The following SLAMF9 variants were observed in gnomAD, a reference collection of about 807,000 sequenced individuals.
SLAMF9 encodes the protein SLAM family member 9.
In SLAMF9, 25 loss-of-function variants were observed where a neutral mutation model predicts 30.4. That is an observed-to-expected ratio of 0.82 (90% CI 0.60 to 1.15). SLAMF9 has a LOEUF of 1.15. Ranked by LOEUF, SLAMF9 falls within the 50% of genes most tolerant of loss-of-function variation. The probability of loss-of-function intolerance (pLI) is 0.00; values close to 1 mark genes in which losing one functional copy is unlikely to be tolerated. For missense variants in SLAMF9, 344 were observed against 346.1 expected (o/e 0.99, Z 0.05); for synonymous variants, 129 against 127.2 (o/e 1.01, Z -0.09).
the SLAMF9 span, chr1:159,972,801 G>T: frequency 1.3e-6 from 1 of 789,648 alleles, no homozygotes; most frequent in South Asian, 4.5e-5. Context: ...AGGGTCAGCG[G>T]GACCGTGGTG....
the SLAMF9 span, chr1:159,972,750 C>T: frequency 2.4e-6 from 1 of 414,122 alleles, no homozygotes; most frequent in Non-Finnish European, 4.0e-6. Context: ...AGGGGAGCCC[C>T]TCTGGGCCTC....
At chr1:159,977,718 G>C in the SLAMF9 span, among the ~76,000 whole-genome samples, 1 of 152,206 alleles carries the variant, frequency 6.6e-6, no homozygotes. Flanking sequence ...CCACAGCCCT[G>C]TGCAGACAGG....
At chr1:159,953,270 C>T (rs1192460697) in intron 2 of SLAMF9, 39 bp downstream of exon 2, 2 of 1,534,896 alleles carry the variant, frequency 1.3e-6, no homozygotes, top group Non-Finnish European at 1.8e-6. Context: ...CTCAGAAGAG[C>T]CCCCAAAACC....
chr1:159,979,421 A>G, the SLAMF9 span, among the ~76,000 whole-genome samples: 1 of 152,226 alleles, frequency 6.6e-6, no homozygotes, highest in Non-Finnish European at 1.5e-5. Flanking sequence ...GATGTTTATA[A>G]ATGTTCAGAA....
the SLAMF9 span, among the ~76,000 whole-genome samples, chr1:159,961,929 C>A: frequency 1.3e-5 from 2 of 151,066 alleles, no homozygotes; most frequent in Non-Finnish European, 1.5e-5. Context: ...GAGGCGGAGG[C>A]GGGCGGATCA....
chr1:159,954,845 G>A (rs935614952), upstream of SLAMF9, among the ~76,000 whole-genome samples: 2 of 152,092 alleles, frequency 1.3e-5, no homozygotes, highest in Non-Finnish European at 2.9e-5. Flanking sequence ...TTGGGAGGCC[G>A]AGGCAGGCAG....
chr1:159,960,913 G>A, the SLAMF9 span, among the ~76,000 whole-genome samples: 1 of 152,176 alleles, frequency 6.6e-6, no homozygotes, highest in Non-Finnish European at 1.5e-5. Flanking sequence ...TCTGAGGCAT[G>A]TTCTCCCTGG....
At chr1:159,959,992 T>A in the SLAMF9 span, among the ~76,000 whole-genome samples, 7 of 150,724 alleles carry the variant, frequency 4.6e-5, no homozygotes, top group African/African-American at 1.5e-4. Flanking sequence ...GCACAGCCTG[T>A]TTATCCACCT....
upstream of SLAMF9, among the ~76,000 whole-genome samples, chr1:159,958,385 T>C (rs1651974944): frequency 6.6e-6 from 1 of 152,084 alleles, no homozygotes; most frequent in Non-Finnish European, 1.5e-5. Context: ...TCCACCCCAC[T>C]GAGCTCTCCG....
the SLAMF9 span, among the ~76,000 whole-genome samples, chr1:159,967,818 T>C: frequency 6.6e-6 from 1 of 152,322 alleles, no homozygotes; most frequent in Admixed American, 6.5e-5. Context: ...GTCTTTCACC[T>C]CCTTAGTTAA....
At chr1:159,960,141 A>G in the SLAMF9 span, among the ~76,000 whole-genome samples, 1 of 148,868 alleles carries the variant, frequency 6.7e-6, no homozygotes, top group African/African-American at 2.5e-5. Flanking sequence ...CATTAGGTAT[A>G]TCTCCTAATG....
In SLAMF9 at chr1:159,952,338, G is replaced by A; in HGVS notation, c.588C>T (p.Leu196=). The A allele has an allele frequency of 6.2e-7, 1 of 1,614,124 alleles. No homozygotes were observed. Among genetic ancestry groups the A allele is most frequent in the Non-Finnish European group, 8.5e-7 (1 of 1,180,004 alleles). Residue 196 remains leucine (L), a synonymous_variant, in exon 3 of 4, where the codon CTC becomes CTT. Transcript: ENST00000368093. The part of the protein sequence containing the change: ...STSWRPGDSA[L]SYTCRANNPI... ...GGTTGTTGGCTCTGCAGGTGTAGGA[G>A]AGGGCACTGTCCCCCGGCCTCCAGG...
chr1:159,952,012 A>G lies in SLAMF9; in HGVS notation c.665-146T>C, dbSNP rs977428032. 7 of 742,814 alleles carry G rather than the reference A, an allele frequency of 9.4e-6. No homozygotes were observed. The Middle Eastern group carries it at 1.1e-3, about 120-fold the overall frequency. The allele number at this position is 742,814 out of a possible 1,614,324, so 46.0% of individuals were successfully genotyped here. ...GCAAGTGTCTCTGGAAATATATTCT[A>G]TGCACAGAAGCTCAGGAACTGAGAT... On this transcript the variant is annotated intron_variant, in intron 3 of 3. Coordinates refer to ENST00000368093, the MANE Select transcript of SLAMF9 (RefSeq NM_033438.4).
chr1:159,981,646 G>C, the SLAMF9 span, among the ~76,000 whole-genome samples: 2 of 152,204 alleles, frequency 1.3e-5, no homozygotes, highest in South Asian at 2.1e-4. Flanking sequence ...GTGCTGTCAG[G>C]GAGTGTGCTC....
At chr1:159,958,324 A>C (rs139133874), upstream of SLAMF9, among the ~76,000 whole-genome samples, 7 of 152,328 alleles carry the variant, frequency 4.6e-5, no homozygotes, top group African/African-American at 1.7e-4. Context: ...ACCTGTCTCC[A>C]TAAGTAGGCA....
At chr1:159,975,496 A>T in the SLAMF9 span, among the ~76,000 whole-genome samples, 6,674 of 152,142 alleles carry the variant, frequency 0.044, 270 homozygotes, top group African/African-American at 0.11. Context: ...TGTGAAGAGG[A>T]TGTGCTAAGA....
chr1:159,981,804 A>T, the SLAMF9 span, among the ~76,000 whole-genome samples: 2 of 152,240 alleles, frequency 1.3e-5, no homozygotes, highest in Non-Finnish European at 2.9e-5. Flanking sequence ...GAAACAGGCC[A>T]CTGTGCCTGA....
chr1:159,953,628 C>A lies in SLAMF9; in HGVS notation c.72G>T (p.Trp24Cys). ...QEGSQRRLWR[W>C]CGSEEVVAVL... ...CCGCAACCACTTCCTCGGATCCACA[C>A]CATCTCCAGAGTCTCCTTTGGCTGC... Residue 24 changes from tryptophan (W) to cysteine (C), a missense_variant, in exon 2 of 4, where the codon TGG becomes TGT. Transcript: ENST00000368093. The A allele has an allele frequency of 6.2e-7, 1 of 1,608,670 alleles. No individual in the cohort carries two copies. The highest frequency in any genetic ancestry group is 8.5e-7 in the Non-Finnish European group (1 of 1,175,924).
the SLAMF9 span, among the ~76,000 whole-genome samples, chr1:159,971,779 C>G: frequency 7.9e-5 from 12 of 152,156 alleles, no homozygotes; most frequent in South Asian, 2.5e-3. Context: ...TTGGGAAGGA[C>G]GCAGGGTCAG....
Sources: gnomAD v4.1 joint callset for allele counts (sites outside exome capture counted in the v4.1 genomes callset) on GRCh38, gnomAD v4.1.1 for gene constraint, MANE v1.5 for transcripts, NCBI Gene and HGNC (gene_info 2026-07-23, HGNC 2026-07-21) for gene names.